AGXT: variants seen among roughly 807,000 people sequenced by gnomAD.
AGXT encodes the protein alanine--glyoxylate aminotransferase.
In AGXT, 41 loss-of-function variants were observed where a neutral mutation model predicts 46.9. The observed-to-expected ratio is 0.88, with a 90% CI of 0.68 to 1.14. The LOEUF is 1.14. AGXT is among the 50% of genes most tolerant of loss of function. The probability of loss-of-function intolerance (pLI) is 0.00; values close to 1 mark genes in which losing one functional copy is unlikely to be tolerated. For synonymous variants in AGXT, 244 were observed against 227.9 expected (o/e 1.07, Z -0.64); for missense variants, 525 against 522.7 (o/e 1.00, Z -0.04).
chr2:240,873,495 C>T (rs913734048), intron 5 of AGXT: 6 of 260,240 alleles, frequency 2.3e-5, no homozygotes, highest in South Asian at 1.6e-4. Flanking sequence ...TCAACCAGGC[C>T]GGCCGAGGGG....
intron 8 of AGXT, 195 bp from the exon 9 acceptor site, chr2:240,877,342 T>C (rs960655116): frequency 4.3e-6 from 3 of 700,950 alleles, no homozygotes; most frequent in Non-Finnish European, 7.8e-6. Flanking sequence ...CTCCTCTGTC[T>C]CTCCCAGACC....
chr2:240,876,838 G>C (rs2059027273), intron 8 of AGXT: 2 of 169,760 alleles, frequency 1.2e-5, no homozygotes, highest in Admixed American at 1.1e-4. Context: ...GGTGGGTGGG[G>C]GGTGTGAGCT....
chr2:240,880,244 C>T lies in AGXT; in HGVS notation c.*1423C>T, dbSNP rs1353468096. On this transcript the variant is annotated 3_prime_UTR_variant, in exon 11 of 11. Coordinates refer to ENST00000307503, the MANE Select transcript of AGXT (RefSeq NM_000030.3). ...GCTCTTCCATGTTTCATTCCCGCAGCTACAGCGTCCAGGGTGCTCCACGTC... is the reference window on the plus strand; with the variant it reads ...GCTCTTCCATGTTTCATTCCCGCAGTTACAGCGTCCAGGGTGCTCCACGTC... The T allele has an allele frequency of 1.3e-5, 2 of 152,222 alleles. No homozygotes were observed. The highest frequency in any genetic ancestry group is 4.8e-5 in the African/African-American group (2 of 41,452). The allele number at this position is 152,222 out of a possible 1,614,324, so 9.4% of individuals were successfully genotyped here.
chr2:240,878,200 C>G (rs1316485411), intron 10 of AGXT, 50 bp downstream of exon 10: 2 of 1,606,604 alleles, frequency 1.2e-6, no homozygotes, highest in Non-Finnish European at 1.7e-6. Context: ...ACCCGCCACC[C>G]CTCCTTGAGC....
chr2:240,874,079 C>A lies in AGXT; in HGVS notation c.680+17C>A, dbSNP rs11693280. On this transcript the variant is annotated intron_variant, in intron 6 of 10. Transcript: ENST00000307503. ...CAAGGCCAAGTGAGTGACCCACAGACCCTCACCTCTGTGCAGGGCTGGGCT... is the reference window on the plus strand; with the variant it reads ...CAAGGCCAAGTGAGTGACCCACAGAACCTCACCTCTGTGCAGGGCTGGGCT... 2 of 1,610,760 alleles carry A rather than the reference C, an allele frequency of 1.2e-6. No homozygotes were observed. The highest frequency in any genetic ancestry group is 2.2e-5 in the South Asian group (2 of 91,028).
rs909779498 is a variant in AGXT, at chr2:240,877,592, G to T, written c.902G>T (p.Arg301Leu). 4.5e-6 allele frequency: 7 copies of T among 1,550,946 alleles called. No individual in the cohort carries two copies. The Admixed American group carries it at 9.8e-5, about 22-fold the overall frequency. Residue 301 changes from arginine to leucine, a missense_variant, in exon 9 of 11, where the codon CGC becomes CTC. Coordinates refer to ENST00000307503, the MANE Select transcript of AGXT (RefSeq NM_000030.3). ...HREAAAYLHG[R>L]LQALGLQLFV... is the part of the protein sequence containing the mutation. ...GAGGCCGCGGCGTATCTGCATGGGC[G>T]CCTGCAGGCACTGGGGCTGCAGCTC...
chr2:240,871,773 G>A (rs952608184), intron 4 of AGXT, among the ~76,000 whole-genome samples: 6 of 152,186 alleles, frequency 3.9e-5, no homozygotes, highest in African/African-American at 1.4e-4. Context: ...AGATTGCCAG[G>A]ACACTAAAGC....
At chr2:240,876,682 C>T (rs1012898475) in intron 8 of AGXT, among the ~76,000 whole-genome samples, 2 of 152,262 alleles carry the variant, frequency 1.3e-5, no homozygotes, top group African/African-American at 4.8e-5. Flanking sequence ...GTGCCTGCCA[C>T]GTTTGTCCTC....
In AGXT at chr2:240,869,408, AGGCCTCCCT is replaced by A. The variant is rs180177209; in HGVS notation, c.358+56_358+64del. 538,231 of 1,513,548 alleles carry A rather than the reference AGGCCTCCCT, an allele frequency of 0.36. 99,617 individuals are homozygous for A. Among genetic ancestry groups the A allele is most frequent in the Non-Finnish European group, 0.38 (434,446 of 1,128,556 alleles). The allele number at this position is 1,513,548 out of a possible 1,614,324, so 93.8% of individuals were successfully genotyped here. ...GGGATGGCCCTGGATCCATCCTTCA[AGGCCTCCCT>A]GGCCTCCCTCTGTTTGAAGCTGGCA... On this transcript the variant is annotated intron_variant, in intron 2 of 10. Transcript: ENST00000307503.
rs139972494 is a variant in AGXT, at chr2:240,870,168, G to A, written c.359-476G>A. 1.2e-3 allele frequency among the ~76,000 whole-genome samples: 184 copies of A among 152,266 alleles called. 1 individual carries two copies. Among genetic ancestry groups the A allele is most frequent in the Non-Finnish European group, 1.8e-3 (121 of 68,016 alleles). On this transcript the variant is annotated intron_variant, in intron 2 of 10. Coordinates refer to ENST00000307503, the MANE Select transcript of AGXT (RefSeq NM_000030.3). The stretch of plus-strand genomic sequence containing the variant: ...CACAGGATAGGGCAGAGACAGGGAG[G>A]GGGTGAGGGCCTGATTCCTGGAGTC...
chr2:240,872,817 C>T (rs981025565), intron 4 of AGXT, among the ~76,000 whole-genome samples, 162 bp from the exon 5 acceptor site: 1 of 152,138 alleles, frequency 6.6e-6, no homozygotes, highest in African/African-American at 2.4e-5. Context: ...TGGATCCTGA[C>T]AGGCAGGAGA....
intron 7 of AGXT, among the ~76,000 whole-genome samples, chr2:240,875,640 CGGCTTCGCAGGCACGCTGGGACTGAGG>C (rs1404456967): frequency 6.6e-6 from 1 of 152,236 alleles, no homozygotes; most frequent in Non-Finnish European, 1.5e-5. Context: ...GGGCCAGTGC[CGGCTTCGCAGGCACGCTGGGACTGAGG>C]GGCTCCGCAG....
rs1020502675 is a variant in AGXT, at chr2:240,869,774, G to C, written c.358+412G>C. Reference sequence around the variant, plus strand: ...TCAAATCTCAGCAGCCTTCCTTCTGGAATCTTGATGTGATACACAAAATAT... The same window carrying C: ...TCAAATCTCAGCAGCCTTCCTTCTGCAATCTTGATGTGATACACAAAATAT... On this transcript the variant is annotated intron_variant, in intron 2 of 10. Coordinates refer to ENST00000307503, the MANE Select transcript of AGXT (RefSeq NM_000030.3). 2.6e-5 allele frequency among the ~76,000 whole-genome samples: 4 copies of C among 152,186 alleles called. No individual in the cohort carries two copies. The East Asian group carries it at 7.7e-4, about 29-fold the overall frequency.
At chr2:240,876,485 T>C (rs961118890) in intron 8 of AGXT, among the ~76,000 whole-genome samples, 1 of 152,076 alleles carries the variant, frequency 6.6e-6, no homozygotes, top group African/African-American at 2.4e-5. Context: ...CACTGCAACA[T>C]CCACACTCTC....
At chr2:240,878,178 T>C (rs2059038721) in intron 10 of AGXT, 28 bp downstream of exon 10, 1 of 1,610,898 alleles carries the variant, frequency 6.2e-7, no homozygotes, top group East Asian at 2.2e-5. Context: ...GAGGGCCTTT[T>C]GCAGAAACCA....
At chr2:240,873,906 G>A (rs571488614) in intron 5 of AGXT, 72 bp from the exon 6 acceptor site, 4 of 1,374,054 alleles carry the variant, frequency 2.9e-6, no homozygotes, top group South Asian at 2.3e-5. Context: ...CCATTAGCTA[G>A]GCAGGCATCC....
At chr2:240,870,091 T>C (rs768201681) in intron 2 of AGXT, among the ~76,000 whole-genome samples, 2 of 152,174 alleles carry the variant, frequency 1.3e-5, no homozygotes, top group Non-Finnish European at 2.9e-5. Flanking sequence ...TTCCCCATTC[T>C]GTCCCCTTGG....
At chr2:240,870,045 C>T (rs370900878) in intron 2 of AGXT, among the ~76,000 whole-genome samples, 3 of 152,180 alleles carry the variant, frequency 2.0e-5, no homozygotes, top group African/African-American at 4.8e-5. Context: ...CATCAGGGCA[C>T]GCAGGCTCAG....
rs73106685 is a variant in AGXT at position 240,875,997 on chromosome 2, C to A, written c.839C>A (p.Ala280Glu). Residue 280 changes from alanine (A) to glutamate (E), a missense_variant, in exon 8 of 11, where the codon GCG becomes GAG. Coordinates refer to ENST00000307503, the MANE Select transcript of AGXT (RefSeq NM_000030.3). ...CTGAGAGAGAGCCTGGCCCTCATTG[C>A]GGAACAGGTGCATGGGCTGCACTCC... ...YSLRESLALI[A>E]EQGLENSWRQ... is the part of the protein sequence containing the mutation. 8.7e-6 allele frequency: 14 copies of A among 1,613,950 alleles called. No homozygotes were observed. The highest frequency in any genetic ancestry group is 1.0e-5 in the Non-Finnish European group (12 of 1,179,972).
Sources: allele counts gnomAD v4.1 joint callset (sites outside exome capture counted in the v4.1 genomes callset), GRCh38; gene constraint gnomAD v4.1.1; transcripts MANE v1.5; gene names NCBI Gene and HGNC (gene_info 2026-07-23, HGNC 2026-07-21).